CCDC144A: variants seen among roughly 807,000 people sequenced by gnomAD.
CCDC144A encodes the protein coiled-coil domain containing 144A.
CCDC144A carries 41 observed loss-of-function variants against 143.8 expected under a neutral mutation model. That is an observed-to-expected ratio of 0.29 (90% CI 0.22 to 0.37). The LOEUF is 0.37. Ranked by LOEUF, CCDC144A falls within the 10% of genes least tolerant of loss-of-function variation. The pLI, the probability that CCDC144A is intolerant of heterozygous loss-of-function variation, is 1.00. For missense variants in CCDC144A, 637 were observed against 1,488.8 expected (o/e 0.43, Z 9.41); for synonymous variants, 242 against 517.9 (o/e 0.47, Z 7.23).
At chr17:16,734,539 C>T (rs1913904055) in intron 11 of CCDC144A, 151 bp from the exon 12 acceptor site, 3 of 511,862 alleles carry the variant, frequency 5.9e-6, no homozygotes, top group Middle Eastern at 5.0e-4. Context: ...GGAATTTATG[C>T]TCTATGAGGT....
intron 4 of CCDC144A, among the ~76,000 whole-genome samples, chr17:16,708,306 C>A (rs1370850657): frequency 6.6e-6 from 1 of 151,950 alleles, no homozygotes; most frequent in Non-Finnish European, 1.5e-5. Context: ...TTGATTCGGG[C>A]TCCTAATAAT....
upstream of CCDC144A, among the ~76,000 whole-genome samples, chr17:16,687,760 T>C (rs1366504624): frequency 6.6e-6 from 1 of 152,216 alleles, no homozygotes; most frequent in Non-Finnish European, 1.5e-5. Flanking sequence ...TGACATGCAG[T>C]AAAGGACATA....
At chr17:16,761,238 G>A (rs746891508) in intron 12 of CCDC144A, among the ~76,000 whole-genome samples, 187 bp from the exon 13 acceptor site, 10 of 151,916 alleles carry the variant, frequency 6.6e-5, no homozygotes, top group Middle Eastern at 6.8e-3. Flanking sequence ...CTCCAGCTAC[G>A]CAGGAGAATG....
intron 2 of CCDC144A, among the ~76,000 whole-genome samples, chr17:16,703,586 C>T (rs1410491035): frequency 2.6e-5 from 4 of 152,088 alleles, no homozygotes; most frequent in South Asian, 2.1e-4. Context: ...GGGCGGATTA[C>T]GAGGTCAGGA....
At chr17:16,746,470 C>G in intron 12 of CCDC144A, 1 of 1,613,592 alleles carries the variant, frequency 6.2e-7, no homozygotes, top group South Asian at 1.1e-5. Context: ...CCATCTCCCC[C>G]AGCAGAGTCT....
chr17:16,718,473 TG>T (rs1288286396), intron 6 of CCDC144A, among the ~76,000 whole-genome samples: 1 of 152,208 alleles, frequency 6.6e-6, no homozygotes, highest in African/African-American at 2.4e-5. Context: ...GCAAACTAAT[TG>T]TCCTTAAAGT....
At chr17:16,766,608 T>G (rs1475864660) in intron 15 of CCDC144A, 1 of 152,524 alleles carries the variant, frequency 6.6e-6, no homozygotes, top group African/African-American at 2.4e-5. Flanking sequence ...GGCATGGTGG[T>G]GTGCGCCTGC....
the CCDC144A span, among the ~76,000 whole-genome samples, chr17:16,675,547 A>G: frequency 1.7e-3 from 264 of 152,152 alleles, 2 homozygotes; most frequent in African/African-American, 5.9e-3. Flanking sequence ...AAATAAAAAA[A>G]AAAGGAATTC....
At chr17:16,706,006 C>T (rs1443548816) in intron 3 of CCDC144A, 1 of 153,382 alleles carries the variant, frequency 6.5e-6, no homozygotes, top group African/African-American at 2.4e-5. Context: ...TCGCTGGAAC[C>T]CAGAAGGTGG....
At chr17:16,764,526 G>C (rs1236924605) in intron 15 of CCDC144A, 4 of 327,258 alleles carry the variant, frequency 1.2e-5, no homozygotes, top group African/African-American at 2.2e-5. Context: ...TGGGTTTAGT[G>C]TGCCTGGGGT....
chr17:16,718,864 C>G (rs1241738950), intron 6 of CCDC144A, among the ~76,000 whole-genome samples: 4 of 118,128 alleles, frequency 3.4e-5, no homozygotes, highest in East Asian at 2.3e-4. Context: ...CAGAGTCTTG[C>G]TCTTTCACCC....
intron 8 of CCDC144A, among the ~76,000 whole-genome samples, chr17:16,722,181 T>A (rs1913128977): frequency 6.6e-6 from 1 of 152,204 alleles, no homozygotes; most frequent in Non-Finnish European, 1.5e-5. Flanking sequence ...ATCAAATGCC[T>A]CTATCTACTG....
At chr17:16,769,201 A>C (rs1203554484) in intron 15 of CCDC144A, among the ~76,000 whole-genome samples, 1 of 152,146 alleles carries the variant, frequency 6.6e-6, no homozygotes, top group Non-Finnish European at 1.5e-5. Context: ...GTGGGCAGAC[A>C]CATCTTTTGA....
At position 16,690,247 on chromosome 17, in the gene CCDC144A, T is replaced by C; in HGVS notation, c.-154T>C. The C allele has an allele frequency of 3.7e-6, 2 of 535,356 alleles. No homozygotes were observed. Among genetic ancestry groups the C allele is most frequent in the Non-Finnish European group, 6.6e-6 (2 of 302,678 alleles). 33.2% of individuals were successfully genotyped at this position (535,356 alleles called of 1,614,324 possible). A position where few individuals can be genotyped will look rare whatever the true frequency, so the allele number is the denominator to read the frequency against. ...TTGGCTTGGCCTTACCCACGAGGCTTTGCGGTGGCTGTTGGCTTGGCGGTG... is the reference window on the plus strand; with the variant it reads ...TTGGCTTGGCCTTACCCACGAGGCTCTGCGGTGGCTGTTGGCTTGGCGGTG... On this transcript the variant is annotated 5_prime_UTR_variant, in exon 1 of 17. Coordinates refer to ENST00000399273, the MANE Select transcript of CCDC144A (RefSeq NM_001382000.1).
At chr17:16,759,873 C>G (rs1915280462) in intron 12 of CCDC144A, among the ~76,000 whole-genome samples, 1 of 152,226 alleles carries the variant, frequency 6.6e-6, no homozygotes, top group Admixed American at 6.5e-5. Flanking sequence ...TGTTCACAAT[C>G]TGCAGTTTTA....
At chr17:16,684,516 G>A in the CCDC144A span, among the ~76,000 whole-genome samples, 2 of 151,996 alleles carry the variant, frequency 1.3e-5, no homozygotes, top group African/African-American at 2.4e-5. Flanking sequence ...TTAGCCAGGC[G>A]TGGTGGTGTG....
At chr17:16,740,143 A>G (rs1372450884) in intron 12 of CCDC144A, among the ~76,000 whole-genome samples, 4 of 151,826 alleles carry the variant, frequency 2.6e-5, no homozygotes, top group Non-Finnish European at 5.9e-5. Context: ...GATTTTAACT[A>G]TCTATGAAGG....
the CCDC144A span, among the ~76,000 whole-genome samples, chr17:16,675,177 G>C: frequency 6.6e-6 from 1 of 151,286 alleles, no homozygotes; most frequent in Non-Finnish European, 1.5e-5. Flanking sequence ...GCTGAGGCAA[G>C]AGAAGCGCCT....
chr17:16,775,214 T>C lies in CCDC144A; in HGVS notation c.*1581T>C, dbSNP rs1915965675. ...TTATACTAGAATTAGTTATATTCCT[T>C]TGGGTATATACCAAGTAATGGGATT... On this transcript the variant is annotated 3_prime_UTR_variant, in exon 17 of 17. Coordinates refer to ENST00000399273, the MANE Select transcript of CCDC144A (RefSeq NM_001382000.1). The C allele has an allele frequency of 6.6e-6, 1 of 152,270 alleles. No individual in the cohort carries two copies. The highest frequency in any genetic ancestry group is 2.4e-5 in the African/African-American group (1 of 41,472). 9.4% of individuals were successfully genotyped at this position (152,270 alleles called of 1,614,324 possible).
Sources: gnomAD v4.1 joint callset for allele counts (sites outside exome capture counted in the v4.1 genomes callset) on GRCh38, gnomAD v4.1.1 for gene constraint, MANE v1.5 for transcripts, NCBI Gene and HGNC (gene_info 2026-07-23, HGNC 2026-07-21) for gene names.